SESTD1: variants seen among roughly 807,000 people sequenced by gnomAD.
SESTD1 encodes SEC14 domain and spectrin repeat-containing protein 1.
In SESTD1, 43 loss-of-function variants were observed where a neutral mutation model predicts 101.7. That is an observed-to-expected ratio of 0.42 (90% CI 0.33 to 0.55). The LOEUF is 0.55. Ranked by LOEUF, SESTD1 falls within the 20% of genes least tolerant of loss-of-function variation. The pLI, the probability that SESTD1 is intolerant of heterozygous loss-of-function variation, is 0.07. For missense variants in SESTD1, 647 were observed against 815.1 expected (o/e 0.79, Z 2.51); for synonymous variants, 283 against 286.8 (o/e 0.99, Z 0.13).
At chr2:179,218,672 G>A (rs994532406) in intron 1 of SESTD1, among the ~76,000 whole-genome samples, 2 of 152,094 alleles carry the variant, frequency 1.3e-5, no homozygotes, top group Non-Finnish European at 2.9e-5. Flanking sequence ...AGGGAGACTA[G>A]GTTTCCATGG....
In SESTD1 at chr2:179,116,693, T is replaced by C. The variant is rs1214529664; in HGVS notation, c.1622A>G (p.His541Arg). ...AQETKVLLEK[H>R]RKFVDVAQST... ...CTGTGCAACATCAACAAATTTTCTA[T>C]GCTTTTCCAGCAAAACTTTCGTTTC... Residue 541 changes from histidine (H) to arginine (R), a missense_variant, in exon 15 of 18, where the codon CAT (histidine) becomes CGT (arginine). Physicochemically the swap from His to Arg is conservative, Grantham distance 29. This residue lies in a region of SESTD1 where 476 missense variants were observed against 562.6 expected (regional missense o/e 0.85). Coordinates refer to ENST00000428443, the MANE Select transcript of SESTD1 (RefSeq NM_178123.5). 2.5e-6 allele frequency: 4 copies of C among 1,614,166 alleles called. No homozygotes were observed. The highest frequency in any genetic ancestry group is 1.7e-5 in the Admixed American group (1 of 60,028).
At chr2:179,185,472 A>G (rs2046199386) in intron 2 of SESTD1, among the ~76,000 whole-genome samples, 1 of 142,320 alleles carries the variant, frequency 7.0e-6, no homozygotes, top group Non-Finnish European at 1.5e-5. Context: ...TATACTATAT[A>G]TTACTTATCA....
chr2:179,154,295 AAG>A (rs1439152113), intron 5 of SESTD1, among the ~76,000 whole-genome samples: 1 of 144,714 alleles, frequency 6.9e-6, no homozygotes, highest in Non-Finnish European at 1.5e-5. Flanking sequence ...GGAAGGAAGG[AAG>A]AGAGGGAGGG....
chr2:179,240,844 C>T (rs2047141398), intron 1 of SESTD1, among the ~76,000 whole-genome samples: 1 of 152,118 alleles, frequency 6.6e-6, no homozygotes, highest in Admixed American at 6.5e-5. Flanking sequence ...TCCAACATCC[C>T]CCATCCCTGT....
chr2:179,208,608 G>A (rs2105515287), intron 1 of SESTD1, among the ~76,000 whole-genome samples: 1 of 135,076 alleles, frequency 7.4e-6, no homozygotes, highest in East Asian at 2.0e-4. Flanking sequence ...CAATAATTCT[G>A]TATCCAGCAA....
rs758332087 is a variant in SESTD1, at chr2:179,143,638, C to T, written c.803G>A (p.Arg268His). The change falls in exon 9 of 18, where the codon CGT becomes CAT. Residue 268 changes from arginine to histidine, a missense_variant. Physicochemically the swap from Arg to His is conservative, Grantham distance 29. This residue lies in a region of SESTD1 where 476 missense variants were observed against 562.6 expected (regional missense o/e 0.85). Transcript: ENST00000428443. ...CTCTTCTAACTGTGTGCGCTTGCTACGTTGCCTACAAACTTCCTGGTAGCG... is the reference window on the plus strand; with the variant it reads ...CTCTTCTAACTGTGTGCGCTTGCTATGTTGCCTACAAACTTCCTGGTAGCG... ...YTRYQEVCRQ[R>H]SKRTQLEEIQ... 121 of 1,613,942 alleles carry T rather than the reference C, an allele frequency of 7.5e-5. 1 individual carries two copies. Among genetic ancestry groups the T allele is most frequent in the Admixed American group, 1.5e-4 (9 of 60,004 alleles).
rs954218460 is a variant in SESTD1, at chr2:179,107,263, T to C, written c.*2636A>G. ...ATAACTCTATGTACAGATACACATATGAAAGCAGCAGCAAATTTACAGATG... is the reference window on the plus strand; with the variant it reads ...ATAACTCTATGTACAGATACACATACGAAAGCAGCAGCAAATTTACAGATG... On this transcript the variant is annotated 3_prime_UTR_variant, in exon 18 of 18. Coordinates refer to ENST00000428443, the MANE Select transcript of SESTD1 (RefSeq NM_178123.5). The C allele has an allele frequency of 6.6e-6, 1 of 152,218 alleles. No homozygotes were observed. Among genetic ancestry groups the C allele is most frequent in the African/African-American group, 2.4e-5 (1 of 41,466 alleles). 9.4% of individuals were successfully genotyped at this position (152,218 alleles called of 1,614,324 possible). A position where few individuals can be genotyped will look rare whatever the true frequency, so the allele number is the denominator to read the frequency against.
intron 4 of SESTD1, 67 bp downstream of exon 4, chr2:179,176,381 G>A: frequency 3.3e-6 from 4 of 1,211,294 alleles, no homozygotes; most frequent in Non-Finnish European, 4.8e-6. Flanking sequence ...AAATGCATTT[G>A]CCATTTTCAC....
chr2:179,207,154 G>A (rs2046601299), intron 1 of SESTD1, among the ~76,000 whole-genome samples: 1 of 133,684 alleles, frequency 7.5e-6, no homozygotes, highest in Non-Finnish European at 1.6e-5. Flanking sequence ...GGAGCTCTAT[G>A]GCCACAACCA....
At chr2:179,219,143 A>G (rs1384156950) in intron 1 of SESTD1, among the ~76,000 whole-genome samples, 1 of 152,192 alleles carries the variant, frequency 6.6e-6, no homozygotes, top group Non-Finnish European at 1.5e-5. Flanking sequence ...TTGGTGGTTA[A>G]GATGGACATC....
rs368589547 is a variant in SESTD1, at chr2:179,106,434, T to C, written c.*3465A>G. On this transcript the variant is annotated 3_prime_UTR_variant, in exon 18 of 18. Coordinates refer to ENST00000428443, the MANE Select transcript of SESTD1 (RefSeq NM_178123.5). Reference sequence around the variant, plus strand: ...TAGTAGAGAATTCTGAACTATTTCTTCAAATGTAGACCATAGATTCAGCTA... The same window carrying C: ...TAGTAGAGAATTCTGAACTATTTCTCCAAATGTAGACCATAGATTCAGCTA... 2 of 152,168 alleles carry C rather than the reference T, an allele frequency of 1.3e-5. No individual in the cohort carries two copies. Among genetic ancestry groups the C allele is most frequent in the Non-Finnish European group, 2.9e-5 (2 of 68,028 alleles). 9.4% of individuals were successfully genotyped at this position (152,168 alleles called of 1,614,324 possible). A position where few individuals can be genotyped will look rare whatever the true frequency, so the allele number is the denominator to read the frequency against.
At chr2:179,170,189 T>G (rs1454415542) in intron 5 of SESTD1, among the ~76,000 whole-genome samples, 3 of 145,896 alleles carry the variant, frequency 2.1e-5, no homozygotes, top group Non-Finnish European at 4.5e-5. Flanking sequence ...AAACTGTTTC[T>G]CCACCTGTGA....
chr2:179,192,056 C>T (rs886833192), intron 1 of SESTD1, among the ~76,000 whole-genome samples, 190 bp from the exon 2 acceptor site: 14 of 152,132 alleles, frequency 9.2e-5, no homozygotes, highest in Admixed American at 9.2e-4. Context: ...TCTCTCTCTA[C>T]TCACTAAAAA....
chr2:179,169,616 A>C (rs2045895487), intron 5 of SESTD1, among the ~76,000 whole-genome samples: 1 of 152,214 alleles, frequency 6.6e-6, no homozygotes, highest in Non-Finnish European at 1.5e-5. Flanking sequence ...TCCATCCAAC[A>C]ACAGAATACT....
intron 5 of SESTD1, among the ~76,000 whole-genome samples, chr2:179,171,084 A>G (rs1012499357): frequency 6.6e-6 from 1 of 152,210 alleles, no homozygotes; most frequent in Non-Finnish European, 1.5e-5. Flanking sequence ...GAAATGGAGA[A>G]GTTAACTATA....
chr2:179,169,480 C>T (rs1213367830), intron 5 of SESTD1, among the ~76,000 whole-genome samples: 4 of 151,820 alleles, frequency 2.6e-5, no homozygotes, highest in African/African-American at 4.8e-5. Flanking sequence ...GAAATAGTTC[C>T]ACATATAACA....
At chr2:179,139,516 G>T (rs2045230223) in intron 9 of SESTD1, among the ~76,000 whole-genome samples, 1 of 152,092 alleles carries the variant, frequency 6.6e-6, no homozygotes, top group Non-Finnish European at 1.5e-5. Context: ...TAGTTGTTTG[G>T]TGCCTATTGA....
rs1282493632 is a variant in SESTD1, at chr2:179,202,497, C to A, written c.-25-10631G>T. ...GATATGTCTAAATTCTCAATGTAAT[C>A]AAAAAAACAACTTATGCTGTTCCTA... On this transcript the variant is annotated intron_variant, in intron 1 of 17. Transcript: ENST00000428443. Among the ~76,000 whole-genome samples the A allele has an allele frequency of 2.6e-4, 35 of 134,212 alleles. 8 individuals are homozygous for A. Among genetic ancestry groups the A allele is most frequent in the Admixed American group, 2.5e-3 (35 of 13,826 alleles). 88.0% of individuals were successfully genotyped at this position (134,212 alleles called of 152,430 possible).
Position 179,117,570 on chromosome 2 carries a change from T to G in SESTD1, c.1486A>C (p.Met496Leu). 1.3e-6 allele frequency: 2 copies of G among 1,585,454 alleles called. No individual in the cohort carries two copies. Among genetic ancestry groups the G allele is most frequent in the South Asian group, 2.3e-5 (2 of 85,314 alleles). ...VDVRRLKMLQ[M>L]VQLFKCEEDA... ...TCTTCACATTTAAACAACTGCACCA[T>G]CTGAAGCATCTTTAACCTTCGCACA... is the stretch of plus-strand genomic sequence containing the variant. The change falls in exon 14 of 18, where the codon ATG becomes CTG. Residue 496 changes from methionine to leucine, a missense_variant. By Grantham distance (15) the Met-to-Leu change is conservative (BLOSUM62 2). Around this residue, in one of 3 missense-constraint regions of SESTD1, gnomAD observed 476 missense variants for 562.6 expected, o/e 0.85. Coordinates refer to ENST00000428443, the MANE Select transcript of SESTD1 (RefSeq NM_178123.5).
Sources: allele counts gnomAD v4.1 joint callset (sites outside exome capture counted in the v4.1 genomes callset), GRCh38; gene constraint gnomAD v4.1.1; regional missense constraint gnomAD v4.1.1; transcripts MANE v1.5; gene names NCBI Gene and HGNC (gene_info 2026-07-23, HGNC 2026-07-21).